PARD3B: variants seen among roughly 807,000 people sequenced by gnomAD.
PARD3B encodes par-3 family cell polarity regulator beta, also known as partitioning defective 3 homolog B.
In PARD3B, 103 loss-of-function variants were observed where a neutral mutation model predicts 130.2. The ratio of observed to expected loss-of-function variants is 0.79; its 90% confidence interval spans 0.67 to 0.93. The LOEUF (loss-of-function observed/expected upper bound fraction) is 0.93. Ranked by LOEUF, PARD3B falls within the 40% of genes least tolerant of loss-of-function variation. PARD3B has a pLI of 0.00. For missense variants in PARD3B, 1,609 were observed against 1,499.2 expected, an observed-to-expected ratio of 1.07 and a Z score of -1.21; for synonymous variants, 583 against 553.2, an observed-to-expected ratio of 1.05 and a Z score of -0.76.
chr2:204,669,171 T>C lies in PARD3B; in HGVS notation c.121-17010T>C, dbSNP rs1227598434. On this transcript the variant is annotated intron_variant, in intron 1 of 22. Transcript: ENST00000406610. This position sits in a 1 kb window ranked among gnomAD's most constrained non-coding sequence, Gnocchi z 4.3. ...GGTAGGTAATTTGTAACCGGAGAAA[T>C]AGGAAACCAGTAGAACCCTTCTTTA... Among the ~76,000 whole-genome samples, 3 of 152,134 alleles carry C rather than the reference T, an allele frequency of 2.0e-5. No homozygotes were observed. Among genetic ancestry groups the C allele is most frequent in the Non-Finnish European group, 2.9e-5 (2 of 68,008 alleles).
intron 18 of PARD3B, among the ~76,000 whole-genome samples, chr2:205,305,685 A>G (rs1367175044): frequency 6.6e-6 from 1 of 152,164 alleles, no homozygotes; most frequent in African/African-American, 2.4e-5. Flanking sequence ...GGCTTCTCTA[A>G]TTTTCACTTC....
chr2:205,110,664 A>G (rs1215268285), intron 5 of PARD3B, among the ~76,000 whole-genome samples: 1 of 147,442 alleles, frequency 6.8e-6, no homozygotes, highest in Non-Finnish European at 1.5e-5. Flanking sequence ...GTGGCTGTCA[A>G]CCGCTTTTTC....
intron 18 of PARD3B, among the ~76,000 whole-genome samples, chr2:205,346,218 A>C (rs4673323): frequency 0.57 from 83,764 of 147,000 alleles, 27,043 homozygotes; most frequent in South Asian, 0.75. Context: ...TAAATAAATA[A>C]ATTTCATATA....
At chr2:204,913,716 A>G (rs991667193) in intron 2 of PARD3B, among the ~76,000 whole-genome samples, 3 of 152,248 alleles carry the variant, frequency 2.0e-5, no homozygotes, top group Non-Finnish European at 4.4e-5. Flanking sequence ...GAAGTTTTGC[A>G]GTGCCCCAAT....
intron 19 of PARD3B, among the ~76,000 whole-genome samples, chr2:205,406,659 C>CTTTTTTTTTT (rs777517284): frequency 1.1e-5 from 1 of 87,426 alleles, no homozygotes; most frequent in African/African-American, 4.7e-5. Context: ...TCTTGTGTAT[C>CTTTTTTTTTT]TTTTTTTTTT....
At chr2:205,314,571 A>G (rs2105944027) in intron 18 of PARD3B, among the ~76,000 whole-genome samples, 1 of 152,362 alleles carries the variant, frequency 6.6e-6, no homozygotes, top group Non-Finnish European at 1.5e-5. Flanking sequence ...TGTTTTCCTC[A>G]CAGAATAGAA....
intron 21 of PARD3B, among the ~76,000 whole-genome samples, chr2:205,529,870 C>T (rs535742163): frequency 1.6e-4 from 25 of 152,210 alleles, no homozygotes; most frequent in African/African-American, 5.3e-4. Flanking sequence ...TTCTTTGAAG[C>T]GCCTTTTTAG....
intron 21 of PARD3B, among the ~76,000 whole-genome samples, chr2:205,523,391 C>T (rs1236096585): frequency 6.6e-6 from 1 of 151,548 alleles, no homozygotes; most frequent in Non-Finnish European, 1.5e-5. Context: ...TTACAGGCGC[C>T]CACCACCATG....
intron 21 of PARD3B, among the ~76,000 whole-genome samples, chr2:205,502,181 C>T (rs988183921): frequency 1.3e-5 from 2 of 152,238 alleles, no homozygotes; most frequent in African/African-American, 2.4e-5. Context: ...TTTTGTTCAG[C>T]GTAGGCCTGA....
At chr2:205,486,668 G>A (rs1036007045) in intron 20 of PARD3B, among the ~76,000 whole-genome samples, 3 of 151,986 alleles carry the variant, frequency 2.0e-5, no homozygotes, top group Non-Finnish European at 2.9e-5. Flanking sequence ...GGTGAAGGTA[G>A]GGGAGGAAAG....
chr2:204,625,893 C>G (rs979407177), intron 1 of PARD3B, among the ~76,000 whole-genome samples: 1 of 151,984 alleles, frequency 6.6e-6, no homozygotes, highest in Non-Finnish European at 1.5e-5. Context: ...TTTAGTGTTG[C>G]AGAGACTAAA....
intron 2 of PARD3B, among the ~76,000 whole-genome samples, chr2:204,852,295 G>A (rs986386656): frequency 1.3e-5 from 2 of 151,802 alleles, no homozygotes; most frequent in Admixed American, 6.6e-5. Flanking sequence ...GAAATACTGC[G>A]TATATATTTA....
chr2:205,118,091 A>G (rs1281448612), intron 6 of PARD3B, among the ~76,000 whole-genome samples: 7 of 151,550 alleles, frequency 4.6e-5, no homozygotes, highest in African/African-American at 1.7e-4. Flanking sequence ...ATTTTGGACA[A>G]CTCTTCCCAA....
intron 10 of PARD3B, among the ~76,000 whole-genome samples, chr2:205,147,264 A>G (rs1047000564): frequency 1.3e-5 from 2 of 152,220 alleles, no homozygotes; most frequent in Non-Finnish European, 2.9e-5. Flanking sequence ...TTATCTGGAA[A>G]GAAAAAACTT....
At chr2:204,883,455 A>ATAAAATATATATATATATATATTTT in intron 2 of PARD3B, among the ~76,000 whole-genome samples, 1 of 77,278 alleles carries the variant, frequency 1.3e-5, no homozygotes, top group East Asian at 3.8e-4. Flanking sequence ...ATATATATAT[A>ATAAAATATATATATATATATATTTT]TTTTTTTTTT....
intron 1 of PARD3B, among the ~76,000 whole-genome samples, chr2:204,559,982 G>A (rs1371055632): frequency 6.8e-5 from 10 of 147,492 alleles, no homozygotes; most frequent in African/African-American, 2.3e-4. Flanking sequence ...GGTGGAAACT[G>A]AACAATGAGA....
chr2:205,239,109 A>G (rs576682057), intron 15 of PARD3B, among the ~76,000 whole-genome samples: 1 of 151,838 alleles, frequency 6.6e-6, no homozygotes, highest in Admixed American at 6.6e-5. Flanking sequence ...TTTTACAAAT[A>G]AGTTCAGTAA....
chr2:204,557,447 T>C (rs1412948248), intron 1 of PARD3B, among the ~76,000 whole-genome samples: 4 of 152,204 alleles, frequency 2.6e-5, no homozygotes, highest in African/African-American at 7.2e-5. Flanking sequence ...TTTGAAGTTA[T>C]CTCTCTTGGA....
chr2:204,743,584 T>G (rs2040098568), intron 2 of PARD3B, among the ~76,000 whole-genome samples: 2 of 152,172 alleles, frequency 1.3e-5, no homozygotes, highest in Non-Finnish European at 2.9e-5. Flanking sequence ...GGCAAGAACT[T>G]CAGCAGGGGT....
Sources: allele counts gnomAD v4.1 joint callset (sites outside exome capture counted in the v4.1 genomes callset), GRCh38; gene constraint gnomAD v4.1.1; non-coding constraint Gnocchi (gnomAD v3.1); transcripts MANE v1.5; gene names NCBI Gene and HGNC (gene_info 2026-07-23, HGNC 2026-07-21).